The following RBFOX1 variants were observed in gnomAD, a reference collection of about 807,000 sequenced individuals.
The protein encoded by RBFOX1 is RNA binding fox-1 homolog 1, also known as RNA binding protein fox-1 homolog 1.
A neutral mutation model predicts 57.7 loss-of-function variants in RBFOX1; 8 were observed. That is an observed-to-expected ratio of 0.14 (90% CI 0.08 to 0.25). The LOEUF (loss-of-function observed/expected upper bound fraction) is 0.25, where lower values mean the gene tolerates loss of function less well. Ranked by LOEUF, RBFOX1 falls within the 10% of genes least tolerant of loss-of-function variation. The pLI is 1.00. For missense variants in RBFOX1, 611 were observed against 548.5 expected (o/e 1.11, Z -1.14); for synonymous variants, 326 against 222.4 (o/e 1.47, Z -4.15).
At chr16:5,952,536 C>G (rs2059542392) in intron 4 of RBFOX1, among the ~76,000 whole-genome samples, 1 of 152,192 alleles carries the variant, frequency 6.6e-6, no homozygotes, top group South Asian at 2.1e-4. Flanking sequence ...ATCTGCCCAC[C>G]TTGGCCTTCC....
chr16:6,783,483 T>C lies in RBFOX1; in HGVS notation c.-16+128833T>C, dbSNP rs150989745. ...CTTATAACCAATTATTTTAAATTGA[T>C]TAAAGCTTAACTCTGGTCACAAAGA... is the stretch of plus-strand genomic sequence containing the variant. On this transcript the variant is annotated intron_variant, in intron 3 of 15. Coordinates refer to ENST00000550418, the MANE Select transcript of RBFOX1 (RefSeq NM_018723.4). 5.5e-3 allele frequency among the ~76,000 whole-genome samples: 835 copies of C among 151,846 alleles called. 6 individuals are homozygous for C. The highest frequency in any genetic ancestry group is 8.1e-3 in the Non-Finnish European group (548 of 67,920).
chr16:7,396,654 G>C (rs1458351493), intron 4 of RBFOX1, among the ~76,000 whole-genome samples: 1 of 152,182 alleles, frequency 6.6e-6, no homozygotes. Context: ...AAACACAGCA[G>C]GTGGGCTGAG....
intron 4 of RBFOX1, among the ~76,000 whole-genome samples, chr16:5,969,477 A>ATTTTTTTTTTTTTTTTTTTT: frequency 8.5e-6 from 1 of 117,040 alleles, no homozygotes; most frequent in Non-Finnish European, 1.7e-5. Flanking sequence ...ACGCCTGGCT[A>ATTTTTTTTTTTTTTTTTTTT]TTTTTTTTTT....
chr16:7,063,076 T>A (rs372062344), intron 4 of RBFOX1, among the ~76,000 whole-genome samples: 20 of 152,156 alleles, frequency 1.3e-4, no homozygotes, highest in African/African-American at 4.8e-4. Flanking sequence ...TACCCTGCAA[T>A]GCCTCCCTGA....
At chr16:5,349,278 G>A (rs1051769811) in intron 1 of RBFOX1, among the ~76,000 whole-genome samples, 5 of 152,168 alleles carry the variant, frequency 3.3e-5, no homozygotes, top group Non-Finnish European at 7.4e-5. Context: ...GATTGCCGGG[G>A]GAGTTTCTGT....
intron 3 of RBFOX1, among the ~76,000 whole-genome samples, chr16:6,923,139 G>C (rs1036658679): frequency 1.3e-5 from 2 of 152,310 alleles, no homozygotes; most frequent in Admixed American, 1.3e-4. Flanking sequence ...TAGGAAAGCA[G>C]CTGGTCCAGT....
At chr16:7,042,180 G>A (rs2046387498) in intron 3 of RBFOX1, among the ~76,000 whole-genome samples, 1 of 152,334 alleles carries the variant, frequency 6.6e-6, no homozygotes, top group Non-Finnish European at 1.5e-5. Context: ...TAGCTAGTCG[G>A]TGCATGTCTT....
Position 7,640,418 on chromosome 16 carries a change from G to A in RBFOX1, c.757+9735G>A, listed in dbSNP as rs143414022. On this transcript the variant is annotated intron_variant, in intron 11 of 15. Coordinates refer to ENST00000550418, the MANE Select transcript of RBFOX1 (RefSeq NM_018723.4). ...GATGGGTGTCTGGCTGCAAAAGGCC[G>A]CCAGTTGCAAAAACTACCATCCCAT... is the stretch of plus-strand genomic sequence containing the variant. 5.0e-3 allele frequency among the ~76,000 whole-genome samples: 759 copies of A among 152,302 alleles called. 2 individuals are homozygous for A. The highest frequency in any genetic ancestry group is 8.4e-3 in the Non-Finnish European group (573 of 68,022).
chr16:7,478,490 T>C (rs1028211957), intron 4 of RBFOX1, among the ~76,000 whole-genome samples: 14 of 152,194 alleles, frequency 9.2e-5, no homozygotes, highest in Non-Finnish European at 2.1e-4. Flanking sequence ...GGCTGCAGTT[T>C]GCAGAGGCTA....
intron 1 of RBFOX1, among the ~76,000 whole-genome samples, chr16:6,230,288 T>G (rs2097449071): frequency 6.6e-6 from 1 of 152,158 alleles, no homozygotes; most frequent in Non-Finnish European, 1.5e-5. Context: ...TGCTTGGTAA[T>G]TCATGTGTAT....
intron 12 of RBFOX1, among the ~76,000 whole-genome samples, chr16:7,654,540 T>C (rs1236307646): frequency 1.3e-5 from 2 of 152,204 alleles, no homozygotes; most frequent in Non-Finnish European, 2.9e-5. Flanking sequence ...GTGGGAACAA[T>C]GCAGATTAGT....
intron 14 of RBFOX1, among the ~76,000 whole-genome samples, chr16:7,689,276 C>A (rs146740453): frequency 1.1e-4 from 17 of 152,168 alleles, no homozygotes; most frequent in African/African-American, 4.1e-4. Flanking sequence ...ATTGGTAATC[C>A]TTCCTCTTCT....
At chr16:5,712,536 G>T (rs1239456603) in intron 3 of RBFOX1, among the ~76,000 whole-genome samples, 1 of 152,190 alleles carries the variant, frequency 6.6e-6, no homozygotes, top group African/African-American at 2.4e-5. Flanking sequence ...GAGAATGACT[G>T]TTAGCGGCTG....
chr16:6,399,353 T>G (rs57768502), intron 2 of RBFOX1, among the ~76,000 whole-genome samples: 1 of 151,990 alleles, frequency 6.6e-6, no homozygotes, highest in Admixed American at 6.6e-5. Context: ...TTGTTACTTA[T>G]GCGGATTTCT....
intron 4 of RBFOX1, among the ~76,000 whole-genome samples, chr16:5,889,256 T>G (rs2057984110): frequency 2.0e-5 from 3 of 152,264 alleles, no homozygotes; most frequent in African/African-American, 7.2e-5. Flanking sequence ...TCTCCGGCAG[T>G]GTGTGCCATT....
chr16:5,322,835 A>G (rs566346683), intron 1 of RBFOX1, among the ~76,000 whole-genome samples: 55 of 152,332 alleles, frequency 3.6e-4, no homozygotes, highest in African/African-American at 1.3e-3. Flanking sequence ...TAATGCACTT[A>G]GGGCACTTAG....
At position 5,828,099 on chromosome 16, in the gene RBFOX1, G is replaced by A. The variant is rs562525766; in HGVS notation, c.319-39204G>A. Among the ~76,000 whole-genome samples, 47 of 151,394 alleles carry A rather than the reference G, an allele frequency of 3.1e-4. 1 individual carries two copies. The South Asian group carries it at 9.5e-3, about 31-fold the overall frequency. ...CAGCCAGCCAGCCAGCCTGCCTTCT[G>A]TCTAACCATTAATCCACTCAGCCAC... On this transcript the variant is annotated intron_variant, in intron 3 of 19. Coordinates refer to the RBFOX1 transcript ENST00000641259.
rs370566574 is a variant in RBFOX1 at position 5,970,417 on chromosome 16, G to C, written c.351+103082G>C. On this transcript the variant is annotated intron_variant, in intron 4 of 19. Transcript: ENST00000641259. ...GTGGCTTGCTTATGGTCATTTTTTT[G>C]GGATTAAAACCAAGGCAGTCTCCTC... is the stretch of plus-strand genomic sequence containing the variant. 5.9e-4 allele frequency among the ~76,000 whole-genome samples: 90 copies of C among 152,122 alleles called. 1 individual carries two copies. The highest frequency in any genetic ancestry group is 2.0e-3 in the African/African-American group (85 of 41,502).
intron 1 of RBFOX1, among the ~76,000 whole-genome samples, chr16:6,256,243 A>ATG (rs1173894075): frequency 4.2e-4 from 40 of 96,314 alleles, no homozygotes; most frequent in Admixed American, 1.0e-3. Flanking sequence ...GTGTATATAT[A>ATG]TATGTATATA....
Sources: gnomAD v4.1 joint callset for allele counts (sites outside exome capture counted in the v4.1 genomes callset) on GRCh38, gnomAD v4.1.1 for gene constraint, MANE v1.5 for transcripts, NCBI Gene and HGNC (gene_info 2026-07-23, HGNC 2026-07-21) for gene names.